The following NELL1 variants were observed in gnomAD, a reference collection of about 807,000 sequenced individuals.
NELL1 encodes the protein protein kinase C-binding protein NELL1.
Under a neutral mutation model 107.4 loss-of-function variants are expected in NELL1, and 76 were observed. The ratio of observed to expected loss-of-function variants is 0.71; its 90% CI spans 0.59 to 0.86. The LOEUF is 0.86. Among genes scored for constraint, NELL1 ranks in the 40% least tolerant of loss-of-function variants. The pLI, the probability that NELL1 is intolerant of heterozygous loss-of-function variation, is 0.00. For missense variants in NELL1, 1,024 were observed against 1,005.5 expected (o/e 1.02, Z -0.25); for synonymous variants, 353 against 341.2 (o/e 1.03, Z -0.38).
chr11:20,983,710 G>A (rs536272060), intron 12 of NELL1, among the ~76,000 whole-genome samples: 3 of 152,244 alleles, frequency 2.0e-5, no homozygotes, highest in African/African-American at 7.2e-5. Context: ...TCATCTCAAC[G>A]TTGGTGGTGG....
At chr11:21,492,801 C>T (rs913627403) in intron 15 of NELL1, among the ~76,000 whole-genome samples, 2 of 151,086 alleles carry the variant, frequency 1.3e-5, no homozygotes, top group African/African-American at 2.4e-5. Flanking sequence ...TGTTAAATGA[C>T]GAGTTAATGG....
intron 15 of NELL1, among the ~76,000 whole-genome samples, chr11:21,479,238 CTATGTTT>C (rs574365860): frequency 1.3e-4 from 20 of 152,250 alleles, no homozygotes; most frequent in Non-Finnish European, 2.8e-4. Flanking sequence ...ATCTACACTC[CTATGTTT>C]ATTGTACACT....
chr11:21,378,273 A>ATG (rs1851526185), intron 15 of NELL1, among the ~76,000 whole-genome samples: 2 of 98,302 alleles, frequency 2.0e-5, no homozygotes, highest in South Asian at 6.4e-4. Context: ...ATGTATATAT[A>ATG]TATATATATA....
At chr11:20,928,505 G>T (rs368306385) in intron 9 of NELL1, 26 bp downstream of exon 9, 1 of 1,542,636 alleles carries the variant, frequency 6.5e-7, no homozygotes, top group Non-Finnish European at 9.0e-7. Context: ...GGGTCAGACT[G>T]GCTGTCTGTG....
intron 15 of NELL1, among the ~76,000 whole-genome samples, chr11:21,462,662 T>A (rs1853927635): frequency 6.6e-6 from 1 of 152,252 alleles, no homozygotes; most frequent in African/African-American, 2.4e-5. Context: ...CAGGTTTCTC[T>A]TTGAACCCTT....
At chr11:21,164,773 C>A (rs1451513722) in intron 13 of NELL1, among the ~76,000 whole-genome samples, 1 of 152,126 alleles carries the variant, frequency 6.6e-6, no homozygotes, top group Non-Finnish European at 1.5e-5. Flanking sequence ...CTGATTTGTG[C>A]CTCATTTTAA....
At chr11:21,199,221 C>A (rs1857214602) in intron 13 of NELL1, among the ~76,000 whole-genome samples, 1 of 152,070 alleles carries the variant, frequency 6.6e-6, no homozygotes, top group African/African-American at 2.4e-5. Flanking sequence ...TGGACATCTC[C>A]TAGCACACTT....
At chr11:20,909,157 G>T (rs537167033) in intron 5 of NELL1, among the ~76,000 whole-genome samples, 1 of 152,246 alleles carries the variant, frequency 6.6e-6, no homozygotes, top group South Asian at 2.1e-4. Flanking sequence ...TAAATTAATG[G>T]TTAACAGGGG....
At chr11:21,066,997 A>T (rs1010624689) in intron 12 of NELL1, among the ~76,000 whole-genome samples, 13 of 151,814 alleles carry the variant, frequency 8.6e-5, no homozygotes, top group Non-Finnish European at 1.6e-4. Context: ...AAATAAATAA[A>T]TAGAGTTCCT....
intron 6 of NELL1, among the ~76,000 whole-genome samples, chr11:20,918,935 C>T (rs146310537): frequency 1.3e-5 from 2 of 152,058 alleles, no homozygotes; most frequent in Admixed American, 1.3e-4. Context: ...TGAGAGTTTA[C>T]TTTTTCTTCT....
chr11:20,696,786 A>C (rs1274418938), intron 2 of NELL1, among the ~76,000 whole-genome samples: 3 of 152,182 alleles, frequency 2.0e-5, no homozygotes, highest in Admixed American at 2.0e-4. Context: ...TGTGAATTGA[A>C]CAGCCACCCT....
chr11:20,723,818 T>C (rs1231335099), intron 2 of NELL1, among the ~76,000 whole-genome samples: 1 of 152,228 alleles, frequency 6.6e-6, no homozygotes, highest in Non-Finnish European at 1.5e-5. Context: ...AGTAGAATTC[T>C]ACCTGTACAT....
At chr11:20,751,031 G>T (rs1460595124) in intron 2 of NELL1, among the ~76,000 whole-genome samples, 1 of 152,172 alleles carries the variant, frequency 6.6e-6, no homozygotes, top group Middle Eastern at 3.4e-3. Flanking sequence ...CTATGTGTGT[G>T]TGTGTGTGTT....
intron 7 of NELL1, among the ~76,000 whole-genome samples, chr11:20,923,954 G>C (rs1166753573): frequency 6.6e-6 from 1 of 152,160 alleles, no homozygotes; most frequent in Non-Finnish European, 1.5e-5. Context: ...ATTGACCTCT[G>C]ATGATAAAAA....
At chr11:21,533,955 T>A (rs775986662) in intron 15 of NELL1, among the ~76,000 whole-genome samples, 3 of 152,130 alleles carry the variant, frequency 2.0e-5, no homozygotes, top group African/African-American at 4.8e-5. Flanking sequence ...TAATATTTAA[T>A]CCAGAGTGTC....
chr11:20,804,192 G>A (rs935026082), intron 3 of NELL1, among the ~76,000 whole-genome samples: 2 of 152,066 alleles, frequency 1.3e-5, no homozygotes, highest in African/African-American at 4.8e-5. Context: ...TATGCTGTGT[G>A]TCCATTATCA....
intron 16 of NELL1, among the ~76,000 whole-genome samples, chr11:21,553,012 T>C (rs906109906): frequency 6.6e-6 from 1 of 151,888 alleles, no homozygotes; most frequent in African/African-American, 2.4e-5. Flanking sequence ...CCTCCTTTGT[T>C]TACATTAAAA....
chr11:21,570,987 G>GAA, intron 18 of NELL1, 47 bp downstream of exon 18: 2 of 1,562,366 alleles, frequency 1.3e-6, no homozygotes, highest in Non-Finnish European at 1.7e-6. Flanking sequence ...CTCTGAAAGA[G>GAA]GTTACAAATT....
chr11:21,426,247 C>G (rs1237397382), intron 15 of NELL1, among the ~76,000 whole-genome samples: 1 of 152,172 alleles, frequency 6.6e-6, no homozygotes, highest in African/African-American at 2.4e-5. Flanking sequence ...TTGACATTCA[C>G]AGTACATGCT....
Sources: allele counts gnomAD v4.1 joint callset (sites outside exome capture counted in the v4.1 genomes callset), GRCh38; gene constraint gnomAD v4.1.1; transcripts MANE v1.5; gene names NCBI Gene and HGNC (gene_info 2026-07-23, HGNC 2026-07-21).